Variants in MGAT4C observed in about 807,000 individuals in gnomAD.
MGAT4C encodes the protein alpha-1,3-mannosyl-glycoprotein 4-beta-N-acetylglucosaminyltransferase C.
Under a neutral mutation model 40.1 loss-of-function variants are expected in MGAT4C, and 19 were observed. The observed-to-expected ratio is 0.47, with a 90% CI of 0.33 to 0.70. The LOEUF (loss-of-function observed/expected upper bound fraction) is 0.70. Ranked by LOEUF, MGAT4C falls within the 30% of genes least tolerant of loss-of-function variation. The probability of loss-of-function intolerance (pLI) is 0.02; values close to 1 mark genes in which losing one functional copy is unlikely to be tolerated. For synonymous variants in MGAT4C, 181 were observed against 187.1 expected, an observed-to-expected ratio of 0.97 and a Z score of 0.27; for missense variants, 491 against 563.2, an observed-to-expected ratio of 0.87 and a Z score of 1.30.
chr12:86,150,359 T>C (rs1265132577), intron 1 of MGAT4C, among the ~76,000 whole-genome samples: 6 of 152,134 alleles, frequency 3.9e-5, no homozygotes, highest in South Asian at 4.1e-4. Context: ...TTGAAACATA[T>C]AAGGGCATAC....
chr12:85,987,108 A>C (rs1266920551), intron 3 of MGAT4C, among the ~76,000 whole-genome samples: 1 of 142,914 alleles, frequency 7.0e-6, no homozygotes, highest in Non-Finnish European at 1.5e-5. Context: ...AAGTATTTTA[A>C]AATAATAATT....
At chr12:86,440,385 T>C (rs1193962103) in intron 2 of MGAT4C, among the ~76,000 whole-genome samples, 2 of 151,958 alleles carry the variant, frequency 1.3e-5, no homozygotes, top group Admixed American at 1.3e-4. Flanking sequence ...AACCATATGA[T>C]AATCTCAATA....
chr12:86,681,366 A>G (rs894084327), intron 2 of MGAT4C, among the ~76,000 whole-genome samples: 2 of 151,994 alleles, frequency 1.3e-5, no homozygotes, highest in African/African-American at 2.4e-5. Context: ...ATTTGCAACC[A>G]TGGTGGACTA....
intron 1 of MGAT4C, among the ~76,000 whole-genome samples, chr12:86,760,164 T>A (rs1951375967): frequency 6.6e-6 from 1 of 151,974 alleles, no homozygotes; most frequent in African/African-American, 2.4e-5. Flanking sequence ...GCACTCACAG[T>A]GGGGAAAAGA....
intron 4 of MGAT4C, among the ~76,000 whole-genome samples, chr12:86,282,419 T>C (rs1592642475): frequency 6.6e-6 from 1 of 152,222 alleles, no homozygotes; most frequent in Admixed American, 6.5e-5. Flanking sequence ...AGAATTTTCA[T>C]TTAGTTCTTT....
intron 2 of MGAT4C, among the ~76,000 whole-genome samples, chr12:86,505,264 C>G (rs140090797): frequency 8.5e-4 from 129 of 152,170 alleles, no homozygotes; most frequent in African/African-American, 2.9e-3. Flanking sequence ...CAGATACAAG[C>G]CATAATAAAC....
rs1565778163 is a variant in MGAT4C, at chr12:86,461,403, G to A, written c.-228-26138C>T. Among the ~76,000 whole-genome samples the A allele has an allele frequency of 2.6e-5, 4 of 151,922 alleles. No homozygotes were observed. The South Asian group carries it at 6.2e-4, about 24-fold the overall frequency. ...TGGGACTACAGGCGCCCGCCACCGC[G>A]CCCGGTTAATTTTTTGTATTTTTAG... On this transcript the variant is annotated intron_variant, in intron 2 of 7. Coordinates refer to the MGAT4C transcript ENST00000548651.
At chr12:86,052,955 A>C (rs1276314664) in intron 1 of MGAT4C, among the ~76,000 whole-genome samples, 1 of 151,946 alleles carries the variant, frequency 6.6e-6, no homozygotes, top group Non-Finnish European at 1.5e-5. Context: ...GTGAAATGCA[A>C]ACGGCAGCAA....
intron 4 of MGAT4C, among the ~76,000 whole-genome samples, chr12:86,309,609 T>C (rs1326603065): frequency 6.6e-6 from 1 of 152,212 alleles, no homozygotes; most frequent in East Asian, 1.9e-4. Context: ...GTTTCATCTA[T>C]CTACACTATT....
intron 1 of MGAT4C, among the ~76,000 whole-genome samples, chr12:86,067,028 G>C (rs920300082): frequency 3.3e-5 from 5 of 152,198 alleles, no homozygotes; most frequent in African/African-American, 9.7e-5. Context: ...ACGCCAGTTA[G>C]AATGGTGATC....
At chr12:86,777,112 T>C (rs1366040005) in intron 1 of MGAT4C, among the ~76,000 whole-genome samples, 1 of 152,182 alleles carries the variant, frequency 6.6e-6, no homozygotes, top group African/African-American at 2.4e-5. Flanking sequence ...AACAGTGTGT[T>C]ATATTTAGTG....
chr12:86,221,490 C>G (rs185168570), intron 1 of MGAT4C, among the ~76,000 whole-genome samples: 44 of 152,256 alleles, frequency 2.9e-4, no homozygotes, highest in Non-Finnish European at 4.3e-4. Context: ...GTCAATCTCT[C>G]AAAACTGAGA....
In MGAT4C at chr12:86,322,591, A is replaced by T. The variant is rs567326558; in HGVS notation, c.-57+11474T>A. 7.3e-5 allele frequency among the ~76,000 whole-genome samples: 11 copies of T among 151,628 alleles called. No individual in the cohort carries two copies. In the South Asian group the frequency reaches 2.1e-3, roughly 29 times the overall value. ...ATTTAGAGGTTTCTTAATTTTTTTT[A>T]TTTTTATTTTTATTTATTTAAGGCA... is the stretch of plus-strand genomic sequence containing the variant. On this transcript the variant is annotated intron_variant, in intron 4 of 7. Coordinates refer to the MGAT4C transcript ENST00000548651.
At chr12:86,112,297 T>C (rs1209973793) in intron 1 of MGAT4C, among the ~76,000 whole-genome samples, 2 of 151,748 alleles carry the variant, frequency 1.3e-5, no homozygotes, top group African/African-American at 4.8e-5. Context: ...CTTCCTCATT[T>C]CTAGTGGTTT....
At chr12:86,452,474 T>C (rs1435274914) in intron 2 of MGAT4C, among the ~76,000 whole-genome samples, 1 of 151,904 alleles carries the variant, frequency 6.6e-6, no homozygotes, top group Non-Finnish European at 1.5e-5. Flanking sequence ...CCAGGTTCTC[T>C]GCTTGGTTTG....
intron 1 of MGAT4C, among the ~76,000 whole-genome samples, chr12:86,052,753 A>T (rs922996378): frequency 2.0e-5 from 3 of 152,020 alleles, no homozygotes; most frequent in Non-Finnish European, 4.4e-5. Flanking sequence ...TTACAGAAAA[A>T]AAAATGGGTT....
intron 1 of MGAT4C, among the ~76,000 whole-genome samples, chr12:86,816,003 C>A (rs11104109): frequency 0.34 from 52,200 of 151,532 alleles, 9,973 homozygotes; most frequent in Admixed American, 0.47. Context: ...TTTAAAAAAT[C>A]CTAAGGGTGA....
chr12:86,405,685 G>A (rs1169904732), intron 3 of MGAT4C, among the ~76,000 whole-genome samples: 2 of 151,466 alleles, frequency 1.3e-5, no homozygotes, highest in African/African-American at 4.8e-5. Context: ...CAAATAGGTA[G>A]AATCAGTCTA....
intron 3 of MGAT4C, among the ~76,000 whole-genome samples, chr12:86,395,115 A>G (rs1956235623): frequency 6.6e-6 from 1 of 152,186 alleles, no homozygotes; most frequent in Non-Finnish European, 1.5e-5. Context: ...AATTTAGTAA[A>G]GTAATGTAAG....
Sources: allele counts gnomAD v4.1 joint callset (sites outside exome capture counted in the v4.1 genomes callset), GRCh38; gene constraint gnomAD v4.1.1; transcripts MANE v1.5; gene names NCBI Gene and HGNC (gene_info 2026-07-23, HGNC 2026-07-21).